The following ANGPTL3 variants were observed in gnomAD, a reference collection of about 807,000 sequenced individuals.
The protein encoded by ANGPTL3 is angiopoietin-related protein 3.
In ANGPTL3, 51 loss-of-function variants were observed where a neutral mutation model predicts 52.7. That is an observed-to-expected ratio of 0.97 (90% CI 0.77 to 1.22). ANGPTL3 has a LOEUF of 1.22. Among genes scored for constraint, ANGPTL3 ranks in the 50% most tolerant of loss-of-function variants. The pLI is 0.00. For synonymous variants in ANGPTL3, 185 were observed against 179.8 expected (o/e 1.03, Z -0.23); for missense variants, 506 against 520.7 (o/e 0.97, Z 0.27).
At chr1:62,598,659 G>C (rs746599993) in intron 1 of ANGPTL3, 37 bp from the exon 2 acceptor site, 1 of 1,142,022 alleles carries the variant, frequency 8.8e-7, no homozygotes, top group Non-Finnish European at 1.3e-6. Context: ...AAAGAAAGAG[G>C]AAAGCAACTT....
In ANGPTL3 at chr1:62,597,752, T is replaced by C; in HGVS notation, c.186T>C (p.His62=). ...GACATGGTCTTAAAGACTTTGTCCA[T>C]AAGACGAAGGGCCAAATTAATGACA... ...QLGHGLKDFV[H]KTKGQINDIF... Residue 62 remains histidine, a synonymous_variant, in exon 1 of 7, where the codon CAT becomes CAC. Transcript: ENST00000371129. The C allele has an allele frequency of 1.2e-6, 2 of 1,613,602 alleles. No homozygotes were observed. Among genetic ancestry groups the C allele is most frequent in the South Asian group, 1.1e-5 (1 of 91,056 alleles).
intron 2 of ANGPTL3, among the ~76,000 whole-genome samples, chr1:62,600,461 TTC>T (rs1649944233): frequency 6.6e-6 from 1 of 151,828 alleles, no homozygotes; most frequent in African/African-American, 2.4e-5. Context: ...ATATTATATA[TTC>T]TGCTTTTCTT....
Position 62,597,739 on chromosome 1 carries a change from A to G in ANGPTL3, c.173A>G (p.Lys58Arg). ...CTCCTTCAGTTGGGACATGGTCTTAAAGACTTTGTCCATAAGACGAAGGGC... is the reference window on the plus strand; with the variant it reads ...CTCCTTCAGTTGGGACATGGTCTTAGAGACTTTGTCCATAAGACGAAGGGC... Reference protein sequence around the residue: ...NGLLQLGHGLKDFVHKTKGQI... With the variant: ...NGLLQLGHGLRDFVHKTKGQI... The change falls in exon 1 of 7, where the codon AAA becomes AGA. Residue 58 changes from lysine (K) to arginine (R), a missense_variant. Transcript: ENST00000371129. 1 of 1,613,626 alleles carries G rather than the reference A, an allele frequency of 6.2e-7. No individual in the cohort carries two copies. The highest frequency in any genetic ancestry group is 8.5e-7 in the Non-Finnish European group (1 of 1,179,714).
rs766251086 is a variant in ANGPTL3, at chr1:62,597,583, T to C, written c.17T>C (p.Leu6Pro). MFTIK[L>P]LLFIVPLVIS... Reference sequence around the variant, plus strand: ...AAGATAAAAATGTTCACAATTAAGCTCCTTCTTTTTATTGTTCCTCTAGTT... The same window carrying C: ...AAGATAAAAATGTTCACAATTAAGCCCCTTCTTTTTATTGTTCCTCTAGTT... Residue 6 changes from leucine (L) to proline (P), a missense_variant, in exon 1 of 7, where the codon CTC becomes CCC. Transcript: ENST00000371129. The C allele has an allele frequency of 2.5e-6, 4 of 1,612,620 alleles. No homozygotes were observed. The highest frequency in any genetic ancestry group is 3.4e-6 in the Non-Finnish European group (4 of 1,179,316).
chr1:62,598,909 T>G (rs968905803), intron 2 of ANGPTL3, 103 bp downstream of exon 2: 2 of 745,052 alleles, frequency 2.7e-6, no homozygotes, highest in African/African-American at 1.8e-5. Flanking sequence ...TGAGTAAAAT[T>G]ATCACATCAG....
At chr1:62,601,051 T>G (rs1650042439) in intron 2 of ANGPTL3, 31 bp from the exon 3 acceptor site, 1 of 1,334,438 alleles carries the variant, frequency 7.5e-7, no homozygotes, top group African/African-American at 1.4e-5. Context: ...TCAGTATCAT[T>G]TTAAAAAACA....
chr1:62,597,532 T>C lies in ANGPTL3; in HGVS notation c.-35T>C. 1.2e-6 allele frequency: 2 copies of C among 1,610,300 alleles called. No homozygotes were observed. Among genetic ancestry groups the C allele is most frequent in the Non-Finnish European group, 1.7e-6 (2 of 1,178,128 alleles). ...TAGGTCTGCTTCCAGAAGAAAACAG[T>C]TCCACGTTGCTTGAAATTGAAAATC... On this transcript the variant is annotated 5_prime_UTR_variant, in exon 1 of 7. Coordinates refer to ENST00000371129, the MANE Select transcript of ANGPTL3 (RefSeq NM_014495.4).
At position 62,603,979 on chromosome 1, in the gene ANGPTL3, G is replaced by T; in HGVS notation, c.942G>T (p.Trp314Cys). Reference sequence around the variant, plus strand: ...AACTTTTCTTTTCAGGAGAATTTTGGTTGGGCCTAGAGAAGATATACTCCA... The same window carrying T: ...AACTTTTCTTTTCAGGAGAATTTTGTTTGGGCCTAGAGAAGATATACTCCA... ...YGFGRLDGEFWLGLEKIYSIV... is the reference protein window; with the variant it reads ...YGFGRLDGEFCLGLEKIYSIV... The change falls in exon 6 of 7, where the codon TGG (tryptophan) becomes TGT (cysteine). Residue 314 changes from tryptophan (W) to cysteine (C), a missense_variant. Trp to Cys is a radical substitution (Grantham distance 215, BLOSUM62 -2). Coordinates refer to ENST00000371129, the MANE Select transcript of ANGPTL3 (RefSeq NM_014495.4). 6.2e-7 allele frequency: 1 copy of T among 1,612,814 alleles called. No individual in the cohort carries two copies. The highest frequency in any genetic ancestry group is 8.5e-7 in the Non-Finnish European group (1 of 1,179,120).
Position 62,597,533 on chromosome 1 carries a change from T to C in ANGPTL3, c.-34T>C. 6.2e-7 allele frequency: 1 copy of C among 1,610,604 alleles called. No homozygotes were observed. The highest frequency in any genetic ancestry group is 8.5e-7 in the Non-Finnish European group (1 of 1,178,302). On this transcript the variant is annotated 5_prime_UTR_variant, in exon 1 of 7. Transcript: ENST00000371129. ...AGGTCTGCTTCCAGAAGAAAACAGTTCCACGTTGCTTGAAATTGAAAATCA... is the reference window on the plus strand; with the variant it reads ...AGGTCTGCTTCCAGAAGAAAACAGTCCCACGTTGCTTGAAATTGAAAATCA...
intron 6 of ANGPTL3, 87 bp downstream of exon 6, chr1:62,604,322 T>A: frequency 6.6e-7 from 1 of 1,515,758 alleles, no homozygotes; most frequent in South Asian, 1.2e-5. Flanking sequence ...TGACAACTTT[T>A]AAAAATCCGA....
In ANGPTL3 at chr1:62,604,174, G is replaced by A; in HGVS notation, c.1137G>A (p.Leu379=). ...VPNAIPENKD[L]VFSTWDHKAK... is the part of the protein sequence containing the mutation. Reference sequence around the variant, plus strand: ...ATGCAATCCCGGAAAACAAAGATTTGGTGTTTTCTACTTGGGATCACAAAG... The same window carrying A: ...ATGCAATCCCGGAAAACAAAGATTTAGTGTTTTCTACTTGGGATCACAAAG... The change falls in exon 6 of 7, where the codon TTG becomes TTA. Residue 379 remains leucine, a synonymous_variant. Transcript: ENST00000371129. The A allele has an allele frequency of 1.2e-6, 2 of 1,613,190 alleles. No homozygotes were observed. Among genetic ancestry groups the A allele is most frequent in the Non-Finnish European group, 1.7e-6 (2 of 1,179,386 alleles).
intron 5 of ANGPTL3, among the ~76,000 whole-genome samples, chr1:62,603,309 G>A (rs1232389236): frequency 6.6e-6 from 1 of 151,626 alleles, no homozygotes; most frequent in Non-Finnish European, 1.5e-5. Context: ...AATGTTTAAT[G>A]AAAACAGTAT....
chr1:62,604,831 TA>T lies in ANGPTL3; in HGVS notation c.*18del. 6.2e-7 allele frequency: 1 copy of T among 1,609,122 alleles called. No individual in the cohort carries two copies. The highest frequency in any genetic ancestry group is 2.2e-5 in the East Asian group (1 of 44,738). On this transcript the variant is annotated 3_prime_UTR_variant, in exon 7 of 7. Transcript: ENST00000371129. Reference sequence around the variant, plus strand: ...AGCTTTGAATGAACTGAGGCAAATTTAAAAGGCAATAATTTAAACATTAACC... The same window carrying T: ...AGCTTTGAATGAACTGAGGCAAATTTAAAGGCAATAATTTAAACATTAACC...
intron 2 of ANGPTL3, among the ~76,000 whole-genome samples, chr1:62,600,561 A>T (rs1649963232): frequency 6.6e-6 from 1 of 151,842 alleles, no homozygotes; most frequent in East Asian, 1.9e-4. Context: ...ACTAACGATA[A>T]ACTACTGAAT....
chr1:62,605,530 A>G lies in ANGPTL3; in HGVS notation c.*713A>G, dbSNP rs1272306475. On this transcript the variant is annotated 3_prime_UTR_variant, in exon 7 of 7. Coordinates refer to ENST00000371129, the MANE Select transcript of ANGPTL3 (RefSeq NM_014495.4). Reference sequence around the variant, plus strand: ...TTATTTGTTAAAATATATACTGTATACATTTTATATATTTTAACACTTAAT... The same window carrying G: ...TTATTTGTTAAAATATATACTGTATGCATTTTATATATTTTAACACTTAAT... The G allele has an allele frequency of 2.0e-5, 3 of 152,454 alleles. No homozygotes were observed. The highest frequency in any genetic ancestry group is 7.2e-5 in the African/African-American group (3 of 41,464). The allele number at this position is 152,454 out of a possible 1,614,324, so 9.4% of individuals were successfully genotyped here. A position where few individuals can be genotyped will look rare whatever the true frequency, so the allele number is the denominator to read the frequency against.
At chr1:62,599,565 C>A (rs184914424) in intron 2 of ANGPTL3, among the ~76,000 whole-genome samples, 63 of 152,134 alleles carry the variant, frequency 4.1e-4, no homozygotes, top group Non-Finnish European at 7.9e-4. Context: ...TATTCCTGCA[C>A]TAAAATGTAA....
intron 5 of ANGPTL3, among the ~76,000 whole-genome samples, chr1:62,602,864 C>T (rs1650357260): frequency 6.6e-6 from 1 of 151,398 alleles, no homozygotes; most frequent in African/African-American, 2.4e-5. Context: ...GAATGTATGG[C>T]TTATAATGAA....
intron 5 of ANGPTL3, among the ~76,000 whole-genome samples, chr1:62,603,119 T>C (rs1044734032): frequency 2.0e-5 from 3 of 151,724 alleles, no homozygotes; most frequent in Non-Finnish European, 4.4e-5. Context: ...GTATACTCAG[T>C]GATAAGTTTT....
At chr1:62,603,843 T>C in intron 5 of ANGPTL3, 126 bp from the exon 6 acceptor site, 1 of 881,446 alleles carries the variant, frequency 1.1e-6, no homozygotes, top group Non-Finnish European at 1.8e-6. Flanking sequence ...TAAGATACAC[T>C]AAAATGATCA....
Sources: allele counts gnomAD v4.1 joint callset (sites outside exome capture counted in the v4.1 genomes callset), GRCh38; gene constraint gnomAD v4.1.1; transcripts MANE v1.5; gene names NCBI Gene and HGNC (gene_info 2026-07-23, HGNC 2026-07-21).